VCAN: variants seen among roughly 807,000 people sequenced by gnomAD.
VCAN encodes versican core protein.
Under a neutral mutation model 245.5 loss-of-function variants are expected in VCAN, and 44 were observed. The ratio of observed to expected loss-of-function variants is 0.18; its 90% CI spans 0.14 to 0.23. VCAN has a LOEUF of 0.23. Among genes scored for constraint, VCAN ranks in the 10% least tolerant of loss-of-function variants. VCAN has a pLI of 1.00. For missense variants in VCAN, 3,793 were observed against 4,057.9 expected, an observed-to-expected ratio of 0.93 and a Z score of 1.77; for synonymous variants, 1,413 against 1,437.0, an observed-to-expected ratio of 0.98 and a Z score of 0.38.
At chr5:83,499,039 C>G (rs1334151157) in intron 5 of VCAN, among the ~76,000 whole-genome samples, 3 of 152,016 alleles carry the variant, frequency 2.0e-5, no homozygotes, top group Non-Finnish European at 4.4e-5. Flanking sequence ...CCTTTGCTTG[C>G]TCCTGCTTGC....
chr5:83,538,763 A>T lies in VCAN; in HGVS notation c.5760A>T (p.Glu1920Asp). 6.2e-7 allele frequency: 1 copy of T among 1,614,032 alleles called. No individual in the cohort carries two copies. Residue 1920 changes from glutamate (E) to aspartate (D), a missense_variant, in exon 8 of 15, where the codon GAA (glutamate) becomes GAT (aspartate). Glu to Asp is a conservative substitution (Grantham distance 45). This residue lies in a region of VCAN where 3,182 missense variants were observed against 3,250.3 expected (regional missense o/e 0.98). Transcript: ENST00000265077. ...ERLGEPNYGA[E>D]IRGFSTGFPL... ...TAGGAGAACCAAATTATGGGGCAGA[A>T]ATAAGGGGCTTTTCCACAGGTTTTC...
rs374598908 is a variant in VCAN at position 83,471,997 on chromosome 5, C to T, written c.-33C>T. On this transcript the variant is annotated 5_prime_UTR_variant, in exon 1 of 15. Transcript: ENST00000265077. ...CGCAGCGCTGCAGTGAATTTTCCCC[C>T]CAAACTGCAATAAGCCGCCTTCCAA... 10 of 382,600 alleles carry T rather than the reference C, an allele frequency of 2.6e-5. No individual in the cohort carries two copies. Among genetic ancestry groups the T allele is most frequent in the Admixed American group, 1.4e-4 (3 of 22,208 alleles). The allele number at this position is 382,600 out of a possible 1,614,324, so 23.7% of individuals were successfully genotyped here.
chr5:83,568,023 CAAG>C (rs1176702107), intron 12 of VCAN, among the ~76,000 whole-genome samples: 1 of 152,114 alleles, frequency 6.6e-6, no homozygotes, highest in African/African-American at 2.4e-5. Flanking sequence ...CCATATTGTG[CAAG>C]AAGATCTATT....
At chr5:83,554,039 C>CT (rs1747570311) in intron 11 of VCAN, among the ~76,000 whole-genome samples, 1 of 152,190 alleles carries the variant, frequency 6.6e-6, no homozygotes. Flanking sequence ...GAGCTACATC[C>CT]TAAGAACTTG....
In VCAN at chr5:83,493,942, T is replaced by C. The variant is rs777595754; in HGVS notation, c.748+11T>C. ...TGGATCATCTGGATGGTAAGATGTT[T>C]GAGTTTCTATATCTTCGTATGAACT... On this transcript the variant is annotated intron_variant, in intron 5 of 14. Transcript: ENST00000265077. The C allele has an allele frequency of 6.2e-7, 1 of 1,614,044 alleles. No homozygotes were observed. Among genetic ancestry groups the C allele is most frequent in the Non-Finnish European group, 8.5e-7 (1 of 1,179,964 alleles).
At position 83,536,916 on chromosome 5, in the gene VCAN, G is replaced by T. The variant is rs910341748; in HGVS notation, c.4004-91G>T. The T allele has an allele frequency of 9.5e-6, 10 of 1,053,332 alleles. No homozygotes were observed. In the Admixed American group the frequency reaches 1.1e-4, roughly 11 times the overall value. The allele number at this position is 1,053,332 out of a possible 1,614,324, so 65.2% of individuals were successfully genotyped here. ...AAAAGATTTGAATCCTTCTTTGTGTGTGTGGGTGTGACCAGCCTTGCTATC... is the reference window on the plus strand; with the variant it reads ...AAAAGATTTGAATCCTTCTTTGTGTTTGTGGGTGTGACCAGCCTTGCTATC... On this transcript the variant is annotated intron_variant, in intron 7 of 14. Transcript: ENST00000265077.
chr5:83,553,334 T>C (rs1652049218), intron 10 of VCAN, 30 bp from the exon 11 acceptor site: 1 of 1,613,532 alleles, frequency 6.2e-7, no homozygotes, highest in Non-Finnish European at 8.5e-7. Context: ...CGTATGTGCG[T>C]TTAATAAGCT....
intron 5 of VCAN, among the ~76,000 whole-genome samples, chr5:83,502,358 C>T (rs1745356265): frequency 6.6e-6 from 1 of 152,170 alleles, no homozygotes; most frequent in African/African-American, 2.4e-5. Context: ...GAAATACAGT[C>T]ACCATTTACC....
At chr5:83,545,494 G>C (rs753685228) in intron 8 of VCAN, 43 bp from the exon 9 acceptor site, 1 of 1,531,724 alleles carries the variant, frequency 6.5e-7, no homozygotes, top group Non-Finnish European at 9.0e-7. Context: ...GCAAACATTA[G>C]AGACGAGCCT....
At position 83,521,267 on chromosome 5, in the gene VCAN, A is replaced by G; in HGVS notation, c.2961A>G (p.Val987=). ...CCAAGACAGACTGGGGAGTGTTAGT[A>G]CCTTCTGTTCCATCAGAAGATGAAG... ...VIPKTDWGVL[V]PSVPSEDEVL... The change falls in exon 7 of 15, where the codon GTA becomes GTG. Residue 987 remains valine, a synonymous_variant. Coordinates refer to ENST00000265077, the MANE Select transcript of VCAN (RefSeq NM_004385.5). 6.2e-7 allele frequency: 1 copy of G among 1,614,106 alleles called. No homozygotes were observed.
intron 6 of VCAN, among the ~76,000 whole-genome samples, chr5:83,516,648 T>C (rs1042965069): frequency 2.6e-5 from 4 of 152,242 alleles, no homozygotes; most frequent in Non-Finnish European, 5.9e-5. Flanking sequence ...TTATGTTGGC[T>C]TCCTCAATAA....
chr5:83,554,769 T>C (rs1311783594), intron 11 of VCAN, among the ~76,000 whole-genome samples, 187 bp from the exon 12 acceptor site: 1 of 152,204 alleles, frequency 6.6e-6, no homozygotes, highest in Non-Finnish European at 1.5e-5. Context: ...CACATTAACC[T>C]TTTCATTTAA....
intron 12 of VCAN, among the ~76,000 whole-genome samples, chr5:83,566,773 C>A (rs1748092381): frequency 6.6e-6 from 1 of 152,142 alleles, no homozygotes; most frequent in Non-Finnish European, 1.5e-5. Context: ...CTGCAGAAGA[C>A]CTGCAGGATG....
chr5:83,554,744 G>A (rs1239488049), intron 11 of VCAN, among the ~76,000 whole-genome samples: 3 of 152,136 alleles, frequency 2.0e-5, no homozygotes, highest in Non-Finnish European at 4.4e-5. Flanking sequence ...ATATTTTAAT[G>A]CTTCACAGGG....
rs753565909 is a variant in VCAN, at chr5:83,572,599, AT to A, written c.9880+42del. ...TGTTAATAATGTGTACTTAATCTTC[AT>A]TTCAATTATAAAGATAATTCAGGAA... On this transcript the variant is annotated intron_variant, in intron 13 of 14. Coordinates refer to ENST00000265077, the MANE Select transcript of VCAN (RefSeq NM_004385.5). The A allele has an allele frequency of 9.3e-6, 15 of 1,611,360 alleles. No individual in the cohort carries two copies. The South Asian group carries it at 1.5e-4, about 17-fold the overall frequency.
chr5:83,536,295 G>C (rs1746703626), intron 7 of VCAN: 1 of 152,126 alleles, frequency 6.6e-6, no homozygotes, highest in African/African-American at 2.4e-5. Flanking sequence ...CTTTCAGTGA[G>C]CTATTTCCAA....
At chr5:83,553,726 G>C (rs1288476882) in intron 11 of VCAN, among the ~76,000 whole-genome samples, 1 of 152,212 alleles carries the variant, frequency 6.6e-6, no homozygotes, top group Non-Finnish European at 1.5e-5. Flanking sequence ...GGTAGGCATT[G>C]GTTTGTCTGC....
At chr5:83,473,687 T>G (rs1744282745) in intron 1 of VCAN, among the ~76,000 whole-genome samples, 1 of 152,136 alleles carries the variant, frequency 6.6e-6, no homozygotes, top group Non-Finnish European at 1.5e-5. Context: ...AGAACCTAGA[T>G]GTCTAGGAAT....
Position 83,537,624 on chromosome 5 carries a change from T to A in VCAN, c.4621T>A (p.Ser1541Thr), listed in dbSNP as rs1411675055. ...HQAHEHTEPV[S>T]LFPEESSGEI... is the part of the protein sequence containing the mutation. ...GGCACATGAACATACTGAACCTGTA[T>A]CTCTGTTTCCTGAAGAGTCTTCAGG... is the stretch of plus-strand genomic sequence containing the variant. Residue 1541 changes from serine to threonine, a missense_variant, in exon 8 of 15, where the codon TCT becomes ACT. By Grantham distance (58) the Ser-to-Thr change is moderately conservative. Coordinates refer to ENST00000265077, the MANE Select transcript of VCAN (RefSeq NM_004385.5). The A allele has an allele frequency of 6.2e-7, 1 of 1,613,714 alleles. No homozygotes were observed. The highest frequency in any genetic ancestry group is 8.5e-7 in the Non-Finnish European group (1 of 1,179,930).
Sources: allele counts gnomAD v4.1 joint callset (sites outside exome capture counted in the v4.1 genomes callset), GRCh38; gene constraint gnomAD v4.1.1; regional missense constraint gnomAD v4.1.1; transcripts MANE v1.5; gene names NCBI Gene and HGNC (gene_info 2026-07-23, HGNC 2026-07-21).